HAPLN3: variants seen among roughly 807,000 people sequenced by gnomAD.
The protein encoded by HAPLN3 is hyaluronan and proteoglycan link protein 3.
In HAPLN3, 28 loss-of-function variants were observed where a neutral mutation model predicts 28.1. The ratio of observed to expected loss-of-function variants is 1.00; its 90% CI spans 0.74 to 1.37. The LOEUF (loss-of-function observed/expected upper bound fraction) is 1.37. HAPLN3 is among the 40% of genes most tolerant of loss of function. The pLI, the probability that HAPLN3 is intolerant of heterozygous loss-of-function variation, is 0.00. For missense variants in HAPLN3, 513 were observed against 504.6 expected (o/e 1.02, Z -0.16); for synonymous variants, 211 against 213.1 (o/e 0.99, Z 0.09).
In HAPLN3 at chr15:88,880,701, C is replaced by A; in HGVS notation, c.493+656G>T. 2 of 749,504 alleles carry A rather than the reference C, an allele frequency of 2.7e-6. No individual in the cohort carries two copies. Among genetic ancestry groups the A allele is most frequent in the Non-Finnish European group, 3.6e-6 (2 of 549,788 alleles). The allele number at this position is 749,504 out of a possible 1,614,324, so 46.4% of individuals were successfully genotyped here. ...TGCAGGGTGTGGCTGGTTTGGACAGCACTGGGTTTTTGTTTTTGGTTTTGG... is the reference window on the plus strand; with the variant it reads ...TGCAGGGTGTGGCTGGTTTGGACAGAACTGGGTTTTTGTTTTTGGTTTTGG... On this transcript the variant is annotated intron_variant, in intron 3 of 4. Coordinates refer to ENST00000359595, the MANE Select transcript of HAPLN3 (RefSeq NM_178232.4). The surrounding 1 kb of genome is among the most constrained non-coding windows in gnomAD (Gnocchi z 6.0).
intron 1 of HAPLN3, among the ~76,000 whole-genome samples, chr15:88,889,948 G>A (rs1362995082): frequency 6.7e-6 from 1 of 148,882 alleles, no homozygotes; most frequent in Non-Finnish European, 1.5e-5. Context: ...TAAAGAGGAA[G>A]GGAGGGAGGA....
At position 88,877,609 on chromosome 15, in the gene HAPLN3, A is replaced by T; in HGVS notation, c.*361T>A. ...CTCTTCTTCCCCCAGGCTGAGGGGC[A>T]GGGAGAACTGTGCCCACCATGCCCG... is the stretch of plus-strand genomic sequence containing the variant. On this transcript the variant is annotated 3_prime_UTR_variant, in exon 5 of 5. Transcript: ENST00000359595. This position sits in a 1 kb window ranked among gnomAD's most constrained non-coding sequence, Gnocchi z 5.1. The T allele has an allele frequency of 5.2e-6, 1 of 191,210 alleles. No homozygotes were observed. Among genetic ancestry groups the T allele is most frequent in the Non-Finnish European group, 1.1e-5 (1 of 92,690 alleles). The allele number at this position is 191,210 out of a possible 1,614,324, so 11.8% of individuals were successfully genotyped here. A position where few individuals can be genotyped will look rare whatever the true frequency, so the allele number is the denominator to read the frequency against.
rs540741930 is a variant in HAPLN3, at chr15:88,880,774, G to GT, written c.493+582dup. Among the ~76,000 whole-genome samples, 102 of 152,168 alleles carry GT rather than the reference G, an allele frequency of 6.7e-4. 1 individual carries two copies. In the East Asian group the frequency reaches 0.013, roughly 19 times the overall value. On this transcript the variant is annotated intron_variant, in intron 3 of 4. Coordinates refer to ENST00000359595, the MANE Select transcript of HAPLN3 (RefSeq NM_178232.4). The surrounding 1 kb of genome is among the most constrained non-coding windows in gnomAD (Gnocchi z 6.0). ...GTTTTGTTTTGTTTTTAAAAAGGAG[G>GT]TTTTTACATAAAAATCAGGAGATCT...
chr15:88,886,127 A>G (rs910091456), intron 2 of HAPLN3, among the ~76,000 whole-genome samples: 3 of 151,674 alleles, frequency 2.0e-5, no homozygotes, highest in Non-Finnish European at 4.4e-5. Context: ...AGGCGGGTGG[A>G]TCACCTGAGG....
chr15:88,881,094 A>C lies in HAPLN3; in HGVS notation c.493+263T>G. On this transcript the variant is annotated intron_variant, in intron 3 of 4. Coordinates refer to ENST00000359595, the MANE Select transcript of HAPLN3 (RefSeq NM_178232.4). The surrounding 1 kb of genome is among the most constrained non-coding windows in gnomAD (Gnocchi z 6.0). The stretch of plus-strand genomic sequence containing the variant: ...TGTGAATTACAGCGGGTAGAGGGGA[A>C]CAGATTCTAGAGGCTGGGTGCTTGG... 2 of 513,626 alleles carry C rather than the reference A, an allele frequency of 3.9e-6. No individual in the cohort carries two copies. The highest frequency in any genetic ancestry group is 3.4e-6 in the Non-Finnish European group (1 of 290,460). The allele number at this position is 513,626 out of a possible 1,614,324, so 31.8% of individuals were successfully genotyped here. A position where few individuals can be genotyped will look rare whatever the true frequency, so the allele number is the denominator to read the frequency against.
At chr15:88,893,605 C>T (rs1898072885) in intron 1 of HAPLN3, among the ~76,000 whole-genome samples, 1 of 152,078 alleles carries the variant, frequency 6.6e-6, no homozygotes. Context: ...CGCTGCACCT[C>T]TCTGAGCCTC....
At chr15:88,893,712 G>A (rs1237368157) in intron 1 of HAPLN3, among the ~76,000 whole-genome samples, 1 of 152,024 alleles carries the variant, frequency 6.6e-6, no homozygotes, top group Non-Finnish European at 1.5e-5. Context: ...CAGATCACCT[G>A]AGGTCAAGAG....
At chr15:88,893,063 T>C (rs868795437) in intron 1 of HAPLN3, 2 of 1,210,062 alleles carry the variant, frequency 1.7e-6, no homozygotes, top group African/African-American at 1.5e-5. Context: ...CACTGCATCC[T>C]GCTGAGTGAC....
chr15:88,877,570 A>AG lies in HAPLN3; in HGVS notation c.*399dup, dbSNP rs1204683465. On this transcript the variant is annotated 3_prime_UTR_variant, in exon 5 of 5. Transcript: ENST00000359595. The surrounding 1 kb of genome is among the most constrained non-coding windows in gnomAD (Gnocchi z 5.1). The stretch of plus-strand genomic sequence containing the variant: ...GGAGAGGCCCAAAGCCCAGCTCCGG[A>AG]GGCCCCCGAGGCCCTCTTCTTCCCC... 1 of 168,724 alleles carries AG rather than the reference A, an allele frequency of 5.9e-6. No homozygotes were observed. The highest frequency in any genetic ancestry group is 1.3e-5 in the Non-Finnish European group (1 of 78,090). 10.5% of individuals were successfully genotyped at this position (168,724 alleles called of 1,614,324 possible).
In HAPLN3 at chr15:88,880,163, G is replaced by A. The variant is rs960232454; in HGVS notation, c.494-894C>T. Reference sequence around the variant, plus strand: ...CAGCCTCTACGTGTGTTTGCAGGGGGACTATTTCATGCCTGGTTCCACCCC... The same window carrying A: ...CAGCCTCTACGTGTGTTTGCAGGGGAACTATTTCATGCCTGGTTCCACCCC... On this transcript the variant is annotated intron_variant, in intron 3 of 4. Transcript: ENST00000359595. This position sits in a 1 kb window ranked among gnomAD's most constrained non-coding sequence, Gnocchi z 6.0. The A allele has an allele frequency of 6.0e-6, 6 of 995,000 alleles. No homozygotes were observed. The highest frequency in any genetic ancestry group is 1.7e-5 in the African/African-American group (1 of 57,338). The allele number at this position is 995,000 out of a possible 1,614,324, so 61.6% of individuals were successfully genotyped here. A position where few individuals can be genotyped will look rare whatever the true frequency, so the allele number is the denominator to read the frequency against.
At chr15:88,885,134 G>A (rs571845246) in intron 2 of HAPLN3, among the ~76,000 whole-genome samples, 1 of 152,380 alleles carries the variant, frequency 6.6e-6, no homozygotes, top group African/African-American at 2.4e-5. Flanking sequence ...CAAAGGCAGA[G>A]GGAAAGGTGA....
intron 1 of HAPLN3, among the ~76,000 whole-genome samples, chr15:88,893,280 T>G (rs1451311981): frequency 6.6e-6 from 1 of 151,748 alleles, no homozygotes; most frequent in East Asian, 2.0e-4. Flanking sequence ...TAGCTGGGTG[T>G]GGTGGCAGAT....
chr15:88,879,615 GC>G lies in HAPLN3; in HGVS notation c.494-347del, dbSNP rs5814345. Reference sequence around the variant, plus strand: ...CAGGCCCGGGCTTTGGGCTCTAGGGGCCAGGTTTGACTCCCAGCTCCCCACT... The same window carrying G: ...CAGGCCCGGGCTTTGGGCTCTAGGGGCAGGTTTGACTCCCAGCTCCCCACT... On this transcript the variant is annotated intron_variant, in intron 3 of 4. Transcript: ENST00000359595. This position sits in a 1 kb window ranked among gnomAD's most constrained non-coding sequence, Gnocchi z 5.0. 6.4e-3 allele frequency: 8,152 copies of G among 1,283,492 alleles called. 431 individuals are homozygous for G. In the African/African-American group the frequency reaches 0.11, roughly 17 times the overall value. 79.5% of individuals were successfully genotyped at this position (1,283,492 alleles called of 1,614,324 possible). A position where few individuals can be genotyped will look rare whatever the true frequency, so the allele number is the denominator to read the frequency against.
rs976029830 is a variant in HAPLN3, at chr15:88,895,214, G to A, written c.-48+245C>T. 6.6e-6 allele frequency among the ~76,000 whole-genome samples: 1 copy of A among 152,160 alleles called. No homozygotes were observed. The highest frequency in any genetic ancestry group is 1.5e-5 in the Non-Finnish European group (1 of 68,012). The stretch of plus-strand genomic sequence containing the variant: ...GTCCGCTCGGGCTCTGCTCCCTCAC[G>A]GTGGGCACGAGGGTCCGGCGCCCGC... On this transcript the variant is annotated intron_variant, in intron 1 of 4. Transcript: ENST00000359595. The surrounding 1 kb of genome is among the most constrained non-coding windows in gnomAD (Gnocchi z 5.5).
At chr15:88,884,296 G>A (rs573488490) in intron 2 of HAPLN3, among the ~76,000 whole-genome samples, 7 of 152,108 alleles carry the variant, frequency 4.6e-5, no homozygotes, top group Non-Finnish European at 1.0e-4. Context: ...CGGGCACGGT[G>A]GCTCACGCCT....
chr15:88,883,460 G>GT (rs1439048268), intron 2 of HAPLN3, among the ~76,000 whole-genome samples: 1 of 152,234 alleles, frequency 6.6e-6, no homozygotes, highest in Non-Finnish European at 1.5e-5. Flanking sequence ...GAGGGCTGTG[G>GT]TAAGGTTCAA....
Position 88,879,039 on chromosome 15 carries a change from C to T in HAPLN3, c.724G>A (p.Val242Met), listed in dbSNP as rs754007367. The change falls in exon 4 of 5, where the codon GTG becomes ATG. Residue 242 changes from valine to methionine, a missense_variant. Physicochemically the swap from Val to Met is conservative, Grantham distance 21. Transcript: ENST00000359595. This position sits in a 1 kb window ranked among gnomAD's most constrained non-coding sequence, Gnocchi z 5.0. ...CGGTGGCGGGGGCCGTAGCTTCGCA[C>T]GCCAGGTGCCAGGCCCGGGCCACCG... ...PCGGPGLAPG[V>M]RSYGPRHRRL... 4.4e-6 allele frequency: 7 copies of T among 1,607,538 alleles called. No homozygotes were observed. Among genetic ancestry groups the T allele is most frequent in the Middle Eastern group, 1.7e-4 (1 of 6,042 alleles).
intron 1 of HAPLN3, among the ~76,000 whole-genome samples, chr15:88,891,397 A>C (rs1181976365): frequency 2.0e-5 from 3 of 151,286 alleles, no homozygotes; most frequent in Non-Finnish European, 4.4e-5. Context: ...CCTGGGTTCA[A>C]ATGAATCTCC....
At chr15:88,883,408 C>A (rs900594855) in intron 2 of HAPLN3, among the ~76,000 whole-genome samples, 2 of 152,232 alleles carry the variant, frequency 1.3e-5, no homozygotes, top group African/African-American at 4.8e-5. Context: ...AGTCAAGACT[C>A]AGCTTCCCCA....
Sources: allele counts gnomAD v4.1 joint callset (sites outside exome capture counted in the v4.1 genomes callset), GRCh38; gene constraint gnomAD v4.1.1; non-coding constraint Gnocchi (gnomAD v3.1); transcripts MANE v1.5; gene names NCBI Gene and HGNC (gene_info 2026-07-23, HGNC 2026-07-21).